PTPRD: variants seen among roughly 807,000 people sequenced by gnomAD.
PTPRD encodes the protein protein tyrosine phosphatase receptor type D, also known as receptor-type tyrosine-protein phosphatase delta.
Under a neutral mutation model 214.5 loss-of-function variants are expected in PTPRD, and 34 were observed. That is an observed-to-expected ratio of 0.16 (90% CI 0.12 to 0.21). The LOEUF is 0.21. Among genes scored for constraint, PTPRD ranks in the 10% least tolerant of loss-of-function variants. The pLI is 1.00. For synonymous variants in PTPRD, 1,128 were observed against 845.7 expected, an observed-to-expected ratio of 1.33 and a Z score of -5.79; for missense variants, 2,545 against 2,398.7, an observed-to-expected ratio of 1.06 and a Z score of -1.27.
intron 9 of PTPRD, among the ~76,000 whole-genome samples, chr9:9,293,068 C>G (rs769391355): frequency 6.6e-6 from 1 of 151,482 alleles, no homozygotes; most frequent in Non-Finnish European, 1.5e-5. Context: ...CTCACGTACA[C>G]GTTGGAAAGA....
In PTPRD at chr9:10,521,406, G is replaced by C. The variant is rs565562333; in HGVS notation, c.-600+90992C>G. 7.6e-4 allele frequency among the ~76,000 whole-genome samples: 116 copies of C among 152,272 alleles called. 1 individual carries two copies. Among genetic ancestry groups the C allele is most frequent in the South Asian group, 4.1e-3 (20 of 4,826 alleles). ...ATGAGCCGAGGAAGTGGTTTCTTGA[G>C]GTGGGATCTACTCCTGGTGAAGATG... is the stretch of plus-strand genomic sequence containing the variant. On this transcript the variant is annotated intron_variant, in intron 2 of 45. Transcript: ENST00000381196.
intron 11 of PTPRD, among the ~76,000 whole-genome samples, chr9:8,819,553 T>C (rs962813973): frequency 5.3e-5 from 8 of 151,974 alleles, no homozygotes; most frequent in Non-Finnish European, 1.0e-4. Context: ...CCCAGCTACT[T>C]GAGAGGCTGA....
At chr9:8,447,721 T>G (rs980477715) in intron 34 of PTPRD, among the ~76,000 whole-genome samples, 1 of 152,128 alleles carries the variant, frequency 6.6e-6, no homozygotes. Flanking sequence ...CTCCCTTCTT[T>G]TGGGGGTACC....
chr9:10,230,799 T>A (rs1035779377), intron 3 of PTPRD, among the ~76,000 whole-genome samples: 1 of 152,096 alleles, frequency 6.6e-6, no homozygotes, highest in Admixed American at 6.6e-5. Flanking sequence ...CCATTGTTAC[T>A]TATATGCATT....
chr9:9,491,153 C>T (rs971559843), intron 8 of PTPRD, among the ~76,000 whole-genome samples: 1 of 151,608 alleles, frequency 6.6e-6, no homozygotes, highest in African/African-American at 2.4e-5. Context: ...GGTGGCTGCA[C>T]AAATATAAGA....
chr9:9,088,241 A>G (rs545615809), intron 10 of PTPRD, among the ~76,000 whole-genome samples: 2 of 151,608 alleles, frequency 1.3e-5, no homozygotes, highest in Non-Finnish European at 2.9e-5. Context: ...CCAGAAAAGA[A>G]AGTTCTTCTA....
At chr9:10,140,220 G>A (rs2098974032) in intron 3 of PTPRD, among the ~76,000 whole-genome samples, 1 of 151,744 alleles carries the variant, frequency 6.6e-6, no homozygotes, top group African/African-American at 2.4e-5. Flanking sequence ...TATAAGAAAT[G>A]TAAATTAATC....
At position 10,458,408 on chromosome 9, in the gene PTPRD, G is replaced by T. The variant is rs74944010; in HGVS notation, c.-599-117391C>A. 3.8e-3 allele frequency among the ~76,000 whole-genome samples: 584 copies of T among 152,184 alleles called. 22 individuals are homozygous for T. The East Asian group carries it at 0.076, about 20-fold the overall frequency. On this transcript the variant is annotated intron_variant, in intron 2 of 45. Coordinates refer to ENST00000381196, the MANE Select transcript of PTPRD (RefSeq NM_002839.4). ...TTTAACATATGCAAATCAACCAATGGATACATCATGTTAACAGACTGAAAG... is the reference window on the plus strand; with the variant it reads ...TTTAACATATGCAAATCAACCAATGTATACATCATGTTAACAGACTGAAAG...
chr9:9,647,301 T>C (rs760193479), intron 7 of PTPRD, among the ~76,000 whole-genome samples: 1 of 152,214 alleles, frequency 6.6e-6, no homozygotes, highest in Non-Finnish European at 1.5e-5. Context: ...TGATGACTGC[T>C]AATTGCAAAA....
intron 11 of PTPRD, among the ~76,000 whole-genome samples, chr9:8,876,006 T>G (rs1349324054): frequency 6.6e-6 from 1 of 152,228 alleles, no homozygotes; most frequent in Non-Finnish European, 1.5e-5. Flanking sequence ...TACAACATAG[T>G]GTCTTTATTA....
chr9:10,584,235 G>T (rs368520954), intron 2 of PTPRD, among the ~76,000 whole-genome samples: 1 of 151,458 alleles, frequency 6.6e-6, no homozygotes, highest in African/African-American at 2.4e-5. Flanking sequence ...TTTCTTCCTT[G>T]GTCAATGCAT....
intron 10 of PTPRD, among the ~76,000 whole-genome samples, chr9:9,027,446 C>A (rs960814281): frequency 6.6e-5 from 10 of 151,876 alleles, no homozygotes; most frequent in Non-Finnish European, 1.5e-4. Context: ...GTTTAAGAAT[C>A]TTTCTTTTTC....
intron 9 of PTPRD, among the ~76,000 whole-genome samples, chr9:9,185,321 A>G (rs1262600068): frequency 3.9e-5 from 6 of 152,070 alleles, no homozygotes; most frequent in Non-Finnish European, 8.8e-5. Context: ...GCATGCCTCC[A>G]TGTATTCATT....
intron 35 of PTPRD, among the ~76,000 whole-genome samples, chr9:8,406,296 C>A (rs2092971123): frequency 6.6e-6 from 1 of 152,148 alleles, no homozygotes; most frequent in Non-Finnish European, 1.5e-5. Context: ...TGAACCATGT[C>A]CACACAGAAC....
intron 4 of PTPRD, among the ~76,000 whole-genome samples, chr9:9,942,140 C>T (rs1024273661): frequency 1.3e-5 from 2 of 152,126 alleles, no homozygotes; most frequent in Non-Finnish European, 2.9e-5. Context: ...CCCACCCTCA[C>T]CAAAACCACA....
At chr9:8,735,806 G>A (rs2090159931) in intron 11 of PTPRD, among the ~76,000 whole-genome samples, 1 of 151,778 alleles carries the variant, frequency 6.6e-6, no homozygotes, top group African/African-American at 2.4e-5. Flanking sequence ...CAGCTACTCG[G>A]GACGCTGAGG....
chr9:10,116,673 T>A (rs181394635), intron 3 of PTPRD, among the ~76,000 whole-genome samples: 1 of 152,108 alleles, frequency 6.6e-6, no homozygotes, highest in Non-Finnish European at 1.5e-5. Context: ...AAAGATTAAA[T>A]GCACCTGTCT....
intron 30 of PTPRD, among the ~76,000 whole-genome samples, chr9:8,480,420 T>C (rs1034303409): frequency 6.6e-6 from 1 of 152,174 alleles, no homozygotes; most frequent in African/African-American, 2.4e-5. Flanking sequence ...TCTATCTAAT[T>C]TTCTCTACTA....
intron 8 of PTPRD, among the ~76,000 whole-genome samples, chr9:9,418,343 T>C (rs1164105309): frequency 1.3e-5 from 2 of 152,050 alleles, no homozygotes; most frequent in Non-Finnish European, 2.9e-5. Flanking sequence ...GAGTTAGCCA[T>C]GTGGAGATTA....
Sources: gnomAD v4.1 joint callset for allele counts (sites outside exome capture counted in the v4.1 genomes callset) on GRCh38, gnomAD v4.1.1 for gene constraint, MANE v1.5 for transcripts, NCBI Gene and HGNC (gene_info 2026-07-23, HGNC 2026-07-21) for gene names.